Variants in MYOM1 observed in about 807,000 individuals in gnomAD.
The protein encoded by MYOM1 is myomesin-1.
Under a neutral mutation model 205.3 loss-of-function variants are expected in MYOM1, and 164 were observed. The observed-to-expected ratio is 0.80, with a 90% CI of 0.70 to 0.91. MYOM1 has a LOEUF of 0.91. Ranked by LOEUF, MYOM1 falls within the 40% of genes least tolerant of loss-of-function variation. MYOM1 has a pLI of 0.00. For synonymous variants in MYOM1, 772 were observed against 789.4 expected (o/e 0.98, Z 0.37); for missense variants, 2,011 against 2,127.3 (o/e 0.95, Z 1.08).
At chr18:3,104,601 G>A (rs1278763925) in intron 22 of MYOM1, among the ~76,000 whole-genome samples, 1 of 152,128 alleles carries the variant, frequency 6.6e-6, no homozygotes, top group African/African-American at 2.4e-5. Context: ...TCTAAATGCT[G>A]TAGATAACTT....
At chr18:3,106,779 T>C (rs2079457664) in intron 22 of MYOM1, among the ~76,000 whole-genome samples, 1 of 152,128 alleles carries the variant, frequency 6.6e-6, no homozygotes, top group African/African-American at 2.4e-5. Context: ...GCAATGATCA[T>C]GCCACTGCAC....
chr18:3,223,890 G>A (rs1472711082), upstream of MYOM1, among the ~76,000 whole-genome samples: 5 of 152,242 alleles, frequency 3.3e-5, no homozygotes, highest in East Asian at 1.9e-4. Flanking sequence ...AATGAGTAGC[G>A]GAGAGGGAGG....
chr18:3,096,763 T>C (rs1171423692), intron 25 of MYOM1, among the ~76,000 whole-genome samples: 4 of 152,198 alleles, frequency 2.6e-5, no homozygotes, highest in African/African-American at 9.7e-5. Context: ...TGAAGGGCTA[T>C]TATGCAGCAT....
At chr18:3,145,989 T>A (rs1327406780) in intron 13 of MYOM1, among the ~76,000 whole-genome samples, 1 of 152,006 alleles carries the variant, frequency 6.6e-6, no homozygotes, top group Non-Finnish European at 1.5e-5. Flanking sequence ...TGAACAACTT[T>A]ATGAATGAAA....
chr18:3,141,897 C>T (rs1415735977), intron 14 of MYOM1, 42 bp downstream of exon 14: 2 of 1,610,364 alleles, frequency 1.2e-6, no homozygotes, highest in African/African-American at 2.7e-5. Context: ...TAAAGAAATC[C>T]TTAGGAGGTA....
chr18:3,100,170 T>A lies in MYOM1; in HGVS notation c.3716A>T (p.His1239Leu). ...LKRLLALSHEHKFPTVPVKSE... is the reference protein window; with the variant it reads ...LKRLLALSHELKFPTVPVKSE... ...TTGTGGATACTTACTTGGGAACTTG[T>A]GTTCATGGCTGAGAGCAAGTAAACG... Residue 1239 changes from histidine to leucine, a missense_variant, in exon 25 of 38, where the codon CAC (histidine) becomes CTC (leucine). Transcript: ENST00000356443. 4 of 1,613,930 alleles carry A rather than the reference T, an allele frequency of 2.5e-6. No homozygotes were observed. The highest frequency in any genetic ancestry group is 3.4e-6 in the Non-Finnish European group (4 of 1,179,880).
chr18:3,183,401 T>C (rs1310701011), intron 5 of MYOM1, among the ~76,000 whole-genome samples: 1 of 152,168 alleles, frequency 6.6e-6, no homozygotes, highest in Non-Finnish European at 1.5e-5. Flanking sequence ...TGAATAGATT[T>C]GGTTAGTAAT....
At chr18:3,080,509 A>G (rs532345020) in intron 33 of MYOM1, among the ~76,000 whole-genome samples, 11 of 152,074 alleles carry the variant, frequency 7.2e-5, no homozygotes, top group Admixed American at 2.6e-4. Context: ...CCCTGTCTCT[A>G]CTAAAAACAC....
intron 5 of MYOM1, among the ~76,000 whole-genome samples, chr18:3,186,743 A>G (rs1237326675): frequency 1.3e-5 from 2 of 151,336 alleles, no homozygotes; most frequent in Non-Finnish European, 2.9e-5. Flanking sequence ...GGAAGAAAGA[A>G]AGAGAGAAAG....
chr18:3,193,795 C>G, intron 3 of MYOM1, 23 bp downstream of exon 3: 4 of 1,601,800 alleles, frequency 2.5e-6, no homozygotes, highest in Non-Finnish European at 3.4e-6. Context: ...AAAATTAAAG[C>G]CAGGAAGAAA....
the MYOM1 span, among the ~76,000 whole-genome samples, chr18:3,225,592 G>A: frequency 2.0e-4 from 31 of 152,166 alleles, no homozygotes; most frequent in Non-Finnish European, 4.1e-4. Context: ...CCAGAACAAA[G>A]GCTTGGCACC....
chr18:3,189,019 G>A lies in MYOM1; in HGVS notation c.500C>T (p.Ala167Val), dbSNP rs1567958745. The A allele has an allele frequency of 1.2e-6, 2 of 1,613,436 alleles. No homozygotes were observed. Among genetic ancestry groups the A allele is most frequent in the Non-Finnish European group, 1.7e-6 (2 of 1,179,846 alleles). ...ERIKEAAAYI[A>V]QRNLLASEEG... The stretch of plus-strand genomic sequence containing the variant: ...CTCACTAGCAAGAAGATTCCTCTGG[G>A]CTATATAAGCAGCAGCTTCTTTAAT... Residue 167 changes from alanine to valine, a missense_variant, in exon 4 of 38, where the codon GCC (alanine) becomes GTC (valine). Physicochemically the swap from Ala to Val is moderately conservative, Grantham distance 64. Coordinates refer to ENST00000356443, the MANE Select transcript of MYOM1 (RefSeq NM_003803.4). The surrounding 1 kb of genome is among the most constrained non-coding windows in gnomAD (Gnocchi z 4.8).
chr18:3,072,972 C>CTTTTTTTTTT (rs1290773371), intron 36 of MYOM1, among the ~76,000 whole-genome samples: 1 of 91,808 alleles, frequency 1.1e-5, no homozygotes, highest in Non-Finnish European at 2.2e-5. Flanking sequence ...CAGATGTAAG[C>CTTTTTTTTTT]ATTTTTTTTT....
intron 12 of MYOM1, among the ~76,000 whole-genome samples, chr18:3,149,909 G>T (rs116067484): frequency 6.6e-6 from 1 of 152,230 alleles, no homozygotes; most frequent in African/African-American, 2.4e-5. Flanking sequence ...ATCTTATTTT[G>T]ATTGGAATTG....
intron 10 of MYOM1, among the ~76,000 whole-genome samples, chr18:3,159,691 T>C (rs918728190): frequency 2.0e-5 from 3 of 152,114 alleles, no homozygotes; most frequent in Non-Finnish European, 4.4e-5. Context: ...ACAACATGAA[T>C]GAACCTCAAA....
chr18:3,094,926 T>C, intron 25 of MYOM1, among the ~76,000 whole-genome samples: 1 of 152,136 alleles, frequency 6.6e-6, no homozygotes, highest in African/African-American at 2.4e-5. Context: ...CCCAAGGTGT[T>C]GGGATTACAG....
chr18:3,133,973 C>T (rs928864911), intron 16 of MYOM1, among the ~76,000 whole-genome samples: 1 of 152,160 alleles, frequency 6.6e-6, no homozygotes, highest in African/African-American at 2.4e-5. Flanking sequence ...AGGAATTCTC[C>T]CACTTCAACC....
the MYOM1 span, among the ~76,000 whole-genome samples, chr18:3,241,980 T>G: frequency 6.6e-6 from 1 of 152,206 alleles, no homozygotes; most frequent in Non-Finnish European, 1.5e-5. Context: ...CTATTTGGAA[T>G]GGCTATATTT....
intron 14 of MYOM1, 103 bp downstream of exon 14, chr18:3,141,836 C>T (rs1036041788): frequency 3.5e-6 from 5 of 1,409,442 alleles, no homozygotes; most frequent in Non-Finnish European, 5.0e-6. Flanking sequence ...AGGACATGCT[C>T]CCTCCTCCTC....
Sources: gnomAD v4.1 joint callset for allele counts (sites outside exome capture counted in the v4.1 genomes callset) on GRCh38, gnomAD v4.1.1 for gene constraint, Gnocchi (gnomAD v3.1) non-coding constraint, MANE v1.5 for transcripts, NCBI Gene and HGNC (gene_info 2026-07-23, HGNC 2026-07-21) for gene names.